The following CAPZB variants were observed in gnomAD, a reference collection of about 807,000 sequenced individuals.
The protein encoded by CAPZB is F-actin-capping protein subunit beta.
CAPZB carries 2 observed loss-of-function variants against 38.1 expected under a neutral mutation model. That is an observed-to-expected ratio of 0.05 (90% CI 0.02 to 0.17). CAPZB has a LOEUF of 0.17. Ranked by LOEUF, CAPZB falls within the 10% of genes least tolerant of loss-of-function variation. The pLI is 1.00. For synonymous variants in CAPZB, 107 were observed against 127.4 expected (o/e 0.84, Z 1.08); for missense variants, 161 against 334.2 (o/e 0.48, Z 4.04).
chr1:19,388,203 T>G (rs1275819704), intron 2 of CAPZB, among the ~76,000 whole-genome samples: 1 of 152,226 alleles, frequency 6.6e-6, no homozygotes, highest in East Asian at 1.9e-4. Context: ...CGAAAGCATC[T>G]GAGTAATCTC....
At chr1:19,385,309 T>C (rs1285705701) in intron 3 of CAPZB, among the ~76,000 whole-genome samples, 196 bp downstream of exon 3, 3 of 151,958 alleles carry the variant, frequency 2.0e-5, no homozygotes, top group Admixed American at 6.6e-5. Context: ...TGCTGCATGA[T>C]TGGAATAACA....
intron 1 of CAPZB, among the ~76,000 whole-genome samples, chr1:19,433,788 T>TCACACA (rs1421748179): frequency 6.6e-6 from 1 of 152,178 alleles, no homozygotes; most frequent in Non-Finnish European, 1.5e-5. Flanking sequence ...GGCTCCAATT[T>TCACACA]CAGATGCCTG....
At position 19,356,656 on chromosome 1, in the gene CAPZB, G is replaced by C; in HGVS notation, c.567C>G (p.Leu189=). The C allele has an allele frequency of 6.2e-7, 1 of 1,613,686 alleles. No individual in the cohort carries two copies. Among genetic ancestry groups the C allele is most frequent in the Non-Finnish European group, 8.5e-7 (1 of 1,179,596 alleles). ...CTACCTGTCTGGTAAGGCTGCCTCCGAGGTTCATGGTGCCAGAGCCAGATT... is the reference window on the plus strand; with the variant it reads ...CTACCTGTCTGGTAAGGCTGCCTCCCAGGTTCATGGTGCCAGAGCCAGATT... ...TNKSGSGTMN[L]GGSLTRQMEK... is the part of the protein sequence containing the mutation. Residue 189 remains leucine (L), a synonymous_variant, in exon 6 of 9, where the codon CTC becomes CTG. Coordinates refer to ENST00000264202, the MANE Select transcript of CAPZB (RefSeq NM_004930.5). The surrounding 1 kb of genome is among the most constrained non-coding windows in gnomAD (Gnocchi z 4.3).
chr1:19,436,455 C>T (rs1268583582), intron 1 of CAPZB, among the ~76,000 whole-genome samples: 1 of 152,104 alleles, frequency 6.6e-6, no homozygotes, highest in Non-Finnish European at 1.5e-5. Context: ...GACAAAAGGG[C>T]TTCTTTAAGT....
intron 1 of CAPZB, among the ~76,000 whole-genome samples, chr1:19,452,410 A>C (rs896047869): frequency 8.5e-5 from 13 of 152,226 alleles, no homozygotes; most frequent in African/African-American, 3.1e-4. Context: ...AGTCCGGCAC[A>C]GTGGTCGGCT....
chr1:19,484,413 G>C (rs1174409296), intron 1 of CAPZB: 1 of 1,522,848 alleles, frequency 6.6e-7, no homozygotes, highest in South Asian at 1.2e-5. Context: ...AGGCCCGGGC[G>C]CCGTGGACCC....
intron 1 of CAPZB, among the ~76,000 whole-genome samples, chr1:19,464,984 T>A (rs1395669365): frequency 6.6e-6 from 1 of 152,176 alleles, no homozygotes; most frequent in Non-Finnish European, 1.5e-5. Context: ...GCAACATGAT[T>A]AGTACCAAAA....
intron 1 of CAPZB, chr1:19,484,746 G>A (rs2094644750): frequency 9.6e-7 from 1 of 1,037,764 alleles, no homozygotes; most frequent in Non-Finnish European, 1.2e-6. Context: ...GGCTGACGCA[G>A]GTTACGCTAG....
chr1:19,433,525 G>A (rs915251134), intron 1 of CAPZB, among the ~76,000 whole-genome samples: 29 of 152,192 alleles, frequency 1.9e-4, no homozygotes, highest in African/African-American at 7.0e-4. Flanking sequence ...ACAAAACCCT[G>A]CACATGGCTT....
At position 19,427,421 on chromosome 1, in the gene CAPZB, AG is replaced by A. The variant is rs1350643919; in HGVS notation, c.4-7672del. On this transcript the variant is annotated intron_variant, in intron 1 of 8. Transcript: ENST00000264202. ...ACAAAGGTAAACTCTGCTGGCGCCCAGAATGACTTACCACAAATTTATGGAG... is the reference window on the plus strand; with the variant it reads ...ACAAAGGTAAACTCTGCTGGCGCCCAAATGACTTACCACAAATTTATGGAG... Among the ~76,000 whole-genome samples the A allele has an allele frequency of 1.3e-4, 20 of 152,382 alleles. No homozygotes were observed. The South Asian group carries it at 3.1e-3, about 24-fold the overall frequency.
At chr1:19,452,218 T>C (rs2094518435) in intron 1 of CAPZB, among the ~76,000 whole-genome samples, 1 of 152,000 alleles carries the variant, frequency 6.6e-6, no homozygotes. Flanking sequence ...CTTCTGCATG[T>C]ACTATTCCTT....
chr1:19,369,248 G>A (rs1008563284), intron 4 of CAPZB, among the ~76,000 whole-genome samples: 1 of 152,220 alleles, frequency 6.6e-6, no homozygotes, highest in African/African-American at 2.4e-5. Flanking sequence ...ATGCAAGCCT[G>A]TCTAGATCCA....
intron 4 of CAPZB, among the ~76,000 whole-genome samples, chr1:19,367,486 T>G (rs2100368111): frequency 6.6e-6 from 1 of 152,330 alleles, no homozygotes; most frequent in South Asian, 2.1e-4. Context: ...TGGCACAGGC[T>G]CCACACAAAA....
intron 2 of CAPZB, among the ~76,000 whole-genome samples, chr1:19,414,269 G>A (rs1032792309): frequency 6.6e-6 from 1 of 152,192 alleles, no homozygotes; most frequent in Non-Finnish European, 1.5e-5. Flanking sequence ...CATGGCTACC[G>A]CTGAGGCTGG....
intron 2 of CAPZB, among the ~76,000 whole-genome samples, chr1:19,403,612 C>G (rs974992919): frequency 3.9e-5 from 6 of 152,204 alleles, no homozygotes; most frequent in Admixed American, 6.5e-5. Context: ...ATCCGAAGTG[C>G]ATTTTGGCAA....
chr1:19,412,946 T>A (rs2094363531), intron 2 of CAPZB, among the ~76,000 whole-genome samples: 2 of 152,166 alleles, frequency 1.3e-5, no homozygotes, highest in African/African-American at 4.8e-5. Context: ...AGAAATTAAT[T>A]CCCCATAAAA....
intron 1 of CAPZB, among the ~76,000 whole-genome samples, chr1:19,466,410 C>T (rs1373668041): frequency 6.6e-6 from 1 of 152,188 alleles, no homozygotes; most frequent in Non-Finnish European, 1.5e-5. Flanking sequence ...TGAGCTGCAA[C>T]GTTTTTCAAT....
intron 2 of CAPZB, among the ~76,000 whole-genome samples, chr1:19,391,021 T>C (rs370408752): frequency 6.6e-6 from 1 of 152,014 alleles, no homozygotes; most frequent in African/African-American, 2.4e-5. Context: ...CATGCAGTTA[T>C]ATACAGCACA....
At chr1:19,395,111 T>A (rs2094259570) in intron 2 of CAPZB, among the ~76,000 whole-genome samples, 1 of 152,164 alleles carries the variant, frequency 6.6e-6, no homozygotes, top group African/African-American at 2.4e-5. Flanking sequence ...ATTAAAAGCA[T>A]TTTCTACTTC....
Sources: allele counts gnomAD v4.1 joint callset (sites outside exome capture counted in the v4.1 genomes callset), GRCh38; gene constraint gnomAD v4.1.1; non-coding constraint Gnocchi (gnomAD v3.1); transcripts MANE v1.5; gene names NCBI Gene and HGNC (gene_info 2026-07-23, HGNC 2026-07-21).